The following EPHB2 variants were observed in gnomAD, a reference collection of about 807,000 sequenced individuals.
EPHB2 encodes the protein ephrin type-B receptor 2.
EPHB2 carries 18 observed loss-of-function variants against 96.4 expected under a neutral mutation model. That is an observed-to-expected ratio of 0.19 (90% CI 0.13 to 0.28). EPHB2 has a LOEUF of 0.28. Ranked by LOEUF, EPHB2 falls within the 10% of genes least tolerant of loss-of-function variation. The pLI is 1.00. For synonymous variants in EPHB2, 506 were observed against 534.1 expected, an observed-to-expected ratio of 0.95 and a Z score of 0.72; for missense variants, 989 against 1,355.4, an observed-to-expected ratio of 0.73 and a Z score of 4.25.
intron 1 of EPHB2, among the ~76,000 whole-genome samples, chr1:22,713,407 C>G (rs1404956189): frequency 1.3e-5 from 2 of 152,162 alleles, no homozygotes; most frequent in Non-Finnish European, 2.9e-5. Flanking sequence ...AGTCCATCGT[C>G]TACGCCCTAC....
At chr1:22,795,743 C>T (rs926605601) in intron 3 of EPHB2, among the ~76,000 whole-genome samples, 2 of 152,152 alleles carry the variant, frequency 1.3e-5, no homozygotes, top group Non-Finnish European at 2.9e-5. Flanking sequence ...ACTTTCTCAG[C>T]GTCCCATATA....
At chr1:22,912,339 G>A (rs753972030) in intron 14 of EPHB2, 105 bp from the exon 15 acceptor site, 15 of 1,499,684 alleles carry the variant, frequency 1.0e-5, no homozygotes, top group Non-Finnish European at 1.3e-5. Flanking sequence ...CACATAAATG[G>A]ATGCACACGT....
At chr1:22,752,924 C>T (rs1484334869) in intron 1 of EPHB2, among the ~76,000 whole-genome samples, 1 of 151,738 alleles carries the variant, frequency 6.6e-6, no homozygotes, top group Non-Finnish European at 1.5e-5. Context: ...GCTAGGACTA[C>T]AGGTGCATGC....
At chr1:22,804,303 C>CCAATCAAT (rs34633057) in intron 3 of EPHB2, among the ~76,000 whole-genome samples, 2 of 151,700 alleles carry the variant, frequency 1.3e-5, no homozygotes, top group Admixed American at 1.3e-4. Context: ...ATGGAGAAAA[C>CCAATCAAT]CAATCAATCA....
chr1:22,791,801 G>C lies in EPHB2; in HGVS notation c.811+6725G>C, dbSNP rs183444959. 4.9e-3 allele frequency among the ~76,000 whole-genome samples: 742 copies of C among 152,240 alleles called. 21 individuals carry two copies. Among genetic ancestry groups the C allele is most frequent in the East Asian group, 3.5e-3 (18 of 5,174 alleles). The stretch of plus-strand genomic sequence containing the variant: ...CTATCTTAAACAAATGCTGGGGTGA[G>C]CCTCATTGTTTCTCTGTCTTTTTGC... On this transcript the variant is annotated intron_variant, in intron 3 of 15. Transcript: ENST00000374630.
intron 3 of EPHB2, among the ~76,000 whole-genome samples, chr1:22,859,648 C>A (rs1202949391): frequency 1.3e-5 from 2 of 152,014 alleles, no homozygotes; most frequent in Non-Finnish European, 1.5e-5. Context: ...TACAAATTAG[C>A]CAGGCATGGT....
Position 22,910,482 on chromosome 1 carries a change from A to G in EPHB2, c.2603A>G (p.Asn868Ser), listed in dbSNP as rs1269301824. 7 of 1,614,210 alleles carry G rather than the reference A, an allele frequency of 4.3e-6. No homozygotes were observed. Among genetic ancestry groups the G allele is most frequent in the Non-Finnish European group, 4.2e-6 (5 of 1,180,022 alleles). The change falls in exon 14 of 16, where the codon AAC becomes AGC. Residue 868 changes from asparagine (N) to serine (S), a missense_variant. By Grantham distance (46) the Asn-to-Ser change is conservative (BLOSUM62 1). Transcript: ENST00000374630. ...CTGGACTGTTGGCAGAAGGACCGCA[A>G]CCACCGGCCCAAGTTCGGCCAAATT... ...LMLDCWQKDRNHRPKFGQIVN... is the reference protein window; with the variant it reads ...LMLDCWQKDRSHRPKFGQIVN...
intron 1 of EPHB2, among the ~76,000 whole-genome samples, chr1:22,768,086 G>A (rs990717937): frequency 1.3e-5 from 2 of 152,160 alleles, no homozygotes; most frequent in Admixed American, 6.5e-5. Flanking sequence ...CTGCGGAGGC[G>A]GTCCTGGAGC....
At chr1:22,866,133 C>T (rs910078355) in intron 5 of EPHB2, among the ~76,000 whole-genome samples, 4 of 152,166 alleles carry the variant, frequency 2.6e-5, no homozygotes, top group South Asian at 2.1e-4. Flanking sequence ...ATGAGATTAT[C>T]GAGGACATTA....
chr1:22,815,866 T>C (rs1378997397), intron 3 of EPHB2, among the ~76,000 whole-genome samples: 1 of 152,172 alleles, frequency 6.6e-6, no homozygotes, highest in African/African-American at 2.4e-5. Context: ...GACGGCTGTC[T>C]AAGCTCCCAG....
At chr1:22,856,644 G>T (rs1299427472) in intron 3 of EPHB2, among the ~76,000 whole-genome samples, 1 of 152,168 alleles carries the variant, frequency 6.6e-6, no homozygotes, top group African/African-American at 2.4e-5. Context: ...CCACTGACTT[G>T]CTATGTGACC....
chr1:22,751,613 C>T (rs6685431), intron 1 of EPHB2, among the ~76,000 whole-genome samples: 8,434 of 152,264 alleles, frequency 0.055, 769 homozygotes, highest in African/African-American at 0.19. Flanking sequence ...TTGAGAGATG[C>T]GAGCTGACCC....
chr1:22,909,535 C>T (rs886369140), intron 13 of EPHB2, among the ~76,000 whole-genome samples: 1 of 152,216 alleles, frequency 6.6e-6, no homozygotes, highest in African/African-American at 2.4e-5. Flanking sequence ...GGAGCTTTTA[C>T]GATCAGGTGC....
chr1:22,865,850 C>T (rs1240858364), intron 5 of EPHB2, among the ~76,000 whole-genome samples: 1 of 152,184 alleles, frequency 6.6e-6, no homozygotes, highest in Non-Finnish European at 1.5e-5. Flanking sequence ...TCAGCCCACT[C>T]CAGTCTTAAC....
chr1:22,756,178 G>A (rs1644146974), intron 1 of EPHB2, among the ~76,000 whole-genome samples: 2 of 152,146 alleles, frequency 1.3e-5, no homozygotes, highest in African/African-American at 4.8e-5. Context: ...AATTCCGTGG[G>A]AAGAAGCTTG....
At chr1:22,805,920 G>C (rs1490875055) in intron 3 of EPHB2, among the ~76,000 whole-genome samples, 2 of 152,174 alleles carry the variant, frequency 1.3e-5, no homozygotes, top group Non-Finnish European at 2.9e-5. Flanking sequence ...AGCCCAGCAA[G>C]GGAGCCTCCA....
In EPHB2 at chr1:22,741,696, A is replaced by AAAAAAAAAAC. The variant is rs55743842; in HGVS notation, c.61+30653_61+30654insAAAAAAAAAC. 2.4e-4 allele frequency among the ~76,000 whole-genome samples: 33 copies of AAAAAAAAAAC among 137,380 alleles called. 1 individual carries two copies. The highest frequency in any genetic ancestry group is 3.0e-4 in the Non-Finnish European group (19 of 62,682). The allele number at this position is 137,380 out of a possible 152,430, so 90.1% of individuals were successfully genotyped here. On this transcript the variant is annotated intron_variant, in intron 1 of 15. Coordinates refer to ENST00000374630, the MANE Select transcript of EPHB2 (RefSeq NM_017449.5). ...CTTCCCAGCAAAAAAAAACAAAAAA[A>AAAAAAAAAAC]CAAAAAACCTCAGTTTCTCACGTTG...
intron 2 of EPHB2, 31 bp downstream of exon 2, chr1:22,781,516 G>C: frequency 6.2e-7 from 1 of 1,611,396 alleles, no homozygotes; most frequent in Non-Finnish European, 8.5e-7. Flanking sequence ...CCTTGCATTG[G>C]TCCCCAGGAT....
chr1:22,743,036 C>T (rs1643923619), intron 1 of EPHB2, among the ~76,000 whole-genome samples: 1 of 150,798 alleles, frequency 6.6e-6, no homozygotes, highest in Non-Finnish European at 1.5e-5. Flanking sequence ...GGACTACAGG[C>T]TTGTGCCACC....
Sources: allele counts gnomAD v4.1 joint callset (sites outside exome capture counted in the v4.1 genomes callset), GRCh38; gene constraint gnomAD v4.1.1; transcripts MANE v1.5; gene names NCBI Gene and HGNC (gene_info 2026-07-23, HGNC 2026-07-21).